Variants in DDX60 observed in about 807,000 individuals in gnomAD.
The protein encoded by DDX60 is DExD/H-box helicase 60.
A neutral mutation model predicts 212.8 loss-of-function variants in DDX60; 165 were observed. That is an observed-to-expected ratio of 0.78 (90% CI 0.68 to 0.88). The LOEUF (loss-of-function observed/expected upper bound fraction) is 0.88. DDX60 is among the 40% of genes least tolerant of loss of function. DDX60 has a pLI of 0.00. For synonymous variants in DDX60, 703 were observed against 685.3 expected (o/e 1.03, Z -0.40); for missense variants, 1,905 against 2,003.9 (o/e 0.95, Z 0.94).
At chr4:168,286,435 TAGATAG>T (rs1735861394) in intron 10 of DDX60, among the ~76,000 whole-genome samples, 1 of 102,532 alleles carries the variant, frequency 9.8e-6, no homozygotes, top group African/African-American at 4.7e-5. Flanking sequence ...GATAGATAGA[TAGATAG>T]ATAGATAGAT....
At chr4:168,297,383 AG>A (rs1161510194) in intron 6 of DDX60, among the ~76,000 whole-genome samples, 6 of 41,836 alleles carry the variant, frequency 1.4e-4, no homozygotes, top group African/African-American at 1.4e-3. Context: ...AGAAAGAAAG[AG>A]AAAGAAAGAA....
intron 6 of DDX60, among the ~76,000 whole-genome samples, chr4:168,297,297 C>CAAA (rs1491399857): frequency 3.0e-4 from 20 of 67,474 alleles, no homozygotes; most frequent in African/African-American, 1.1e-3. Flanking sequence ...GAGAGAGAGA[C>CAAA]GAAAGAAAGA....
rs1181490000 is a variant in DDX60 at position 168,252,395 on chromosome 4, TGTATTAATTA to T, written c.3705+104_3705+113del. Reference sequence around the variant, plus strand: ...AGGAGAGTTCTCTTTTGGTAGGGATTGTATTAATTATGTATTATATTATGCATATATCTTA... The same window carrying T: ...AGGAGAGTTCTCTTTTGGTAGGGATTTGTATTATATTATGCATATATCTTA... On this transcript the variant is annotated intron_variant, in intron 27 of 37. Transcript: ENST00000393743. 7 of 1,258,308 alleles carry T rather than the reference TGTATTAATTA, an allele frequency of 5.6e-6. No homozygotes were observed. The African/African-American group carries it at 9.2e-5, about 17-fold the overall frequency. 77.9% of individuals were successfully genotyped at this position (1,258,308 alleles called of 1,614,324 possible). A position where few individuals can be genotyped will look rare whatever the true frequency, so the allele number is the denominator to read the frequency against.
At chr4:168,316,416 A>C (rs910128217) in intron 1 of DDX60, among the ~76,000 whole-genome samples, 3 of 152,224 alleles carry the variant, frequency 2.0e-5, no homozygotes, top group African/African-American at 7.2e-5. Flanking sequence ...AATATAATTA[A>C]CCAACTTGGC....
chr4:168,226,331 G>A (rs371217552), intron 33 of DDX60, among the ~76,000 whole-genome samples: 5 of 151,806 alleles, frequency 3.3e-5, no homozygotes, highest in Admixed American at 1.3e-4. Context: ...GGATTAGGAC[G>A]CAGGGCCTTT....
chr4:168,246,223 G>C (rs1734016479), intron 30 of DDX60, among the ~76,000 whole-genome samples, 195 bp downstream of exon 30: 1 of 152,088 alleles, frequency 6.6e-6, no homozygotes, highest in African/African-American at 2.4e-5. Context: ...CAAATTCCAT[G>C]TCTGATGGTG....
In DDX60 at chr4:168,274,051, C is replaced by T; in HGVS notation, c.2337G>A (p.Glu779=). 2 of 1,614,194 alleles carry T rather than the reference C, an allele frequency of 1.2e-6. No individual in the cohort carries two copies. The highest frequency in any genetic ancestry group is 1.7e-6 in the Non-Finnish European group (2 of 1,180,018). ...ACGTTGGGGCAACAATCACTGCTGACTCATTCTTATCCACAACATCAAGGA... is the reference window on the plus strand; with the variant it reads ...ACGTTGGGGCAACAATCACTGCTGATTCATTCTTATCCACAACATCAAGGA... ...RELLDVVDKN[E]SAVIVAPTSS... is the part of the protein sequence containing the mutation. The change falls in exon 17 of 38, where the codon GAG becomes GAA. Residue 779 remains glutamate, a synonymous_variant. Coordinates refer to ENST00000393743, the MANE Select transcript of DDX60 (RefSeq NM_017631.6).
intron 29 of DDX60, among the ~76,000 whole-genome samples, chr4:168,246,886 T>C (rs746575709): frequency 2.0e-5 from 3 of 152,254 alleles, no homozygotes; most frequent in Middle Eastern, 3.4e-3. Flanking sequence ...ATCAAAGAAA[T>C]AATGATCTAT....
intron 33 of DDX60, among the ~76,000 whole-genome samples, chr4:168,228,048 T>A (rs1733320564): frequency 6.6e-6 from 1 of 152,108 alleles, no homozygotes; most frequent in South Asian, 2.1e-4. Context: ...TGTGCAAACA[T>A]CACAAAGTGT....
upstream of DDX60, among the ~76,000 whole-genome samples, chr4:168,321,898 GAATAGGTTC>G (rs936927161): frequency 7.9e-5 from 12 of 152,124 alleles, no homozygotes; most frequent in African/African-American, 2.7e-4. Flanking sequence ...CTATTGAATT[GAATAGGTTC>G]AATAGGTTCA....
intron 22 of DDX60, among the ~76,000 whole-genome samples, chr4:168,265,984 A>C (rs570703886): frequency 6.6e-6 from 1 of 152,290 alleles, no homozygotes; most frequent in South Asian, 2.1e-4. Context: ...GAGTTAAGTC[A>C]CAAGAATTTT....
At position 168,312,027 on chromosome 4, in the gene DDX60, T is replaced by C. The variant is rs778958925; in HGVS notation, c.-106-662A>G. ...GAGTAATGATGATAATTTGATGTAA[T>C]ATAGTTTGATGGTAGCTGAGATAAT... On this transcript the variant is annotated intron_variant, in intron 1 of 37. Transcript: ENST00000393743. Among the ~76,000 whole-genome samples, 41 of 152,078 alleles carry C rather than the reference T, an allele frequency of 2.7e-4. 1 individual carries two copies. The highest frequency in any genetic ancestry group is 8.5e-4 in the Admixed American group (13 of 15,268).
At chr4:168,290,981 T>C (rs1315019254) in intron 8 of DDX60, among the ~76,000 whole-genome samples, 1 of 152,206 alleles carries the variant, frequency 6.6e-6, no homozygotes, top group East Asian at 1.9e-4. Context: ...ATTGATCCTT[T>C]AATCCCATTT....
intron 6 of DDX60, among the ~76,000 whole-genome samples, chr4:168,294,953 A>G (rs1336884210): frequency 1.3e-5 from 2 of 152,204 alleles, no homozygotes; most frequent in Admixed American, 1.3e-4. Flanking sequence ...CCAACGGCCA[A>G]TAGGTACATG....
At chr4:168,262,252 T>C (rs1734653297) in intron 23 of DDX60, 124 bp from the exon 24 acceptor site, 1 of 1,030,194 alleles carries the variant, frequency 9.7e-7, no homozygotes. Context: ...AAACTTTTTA[T>C]CTCCACATGG....
At position 168,311,041 on chromosome 4, in the gene DDX60, G is replaced by C. The variant is rs2149553995; in HGVS notation, c.31C>G (p.Gln11Glu). The C allele has an allele frequency of 6.3e-7, 1 of 1,580,412 alleles. No homozygotes were observed. The highest frequency in any genetic ancestry group is 1.1e-5 in the South Asian group (1 of 88,852). ...TTCAAAATTAACTGGGACATTTCCT[G>C]TGAAAATGTTGTAAGAACATTTCTT... MERNVLTTFSQEMSQLILNEM... is the reference protein window; with the variant it reads MERNVLTTFSEEMSQLILNEM... The change falls in exon 3 of 38, where the codon CAG (glutamine) becomes GAG (glutamate). Residue 11 changes from glutamine (Q) to glutamate (E), a missense_variant. Physicochemically the swap from Gln to Glu is conservative, Grantham distance 29. Transcript: ENST00000393743.
intron 12 of DDX60, among the ~76,000 whole-genome samples, chr4:168,284,271 G>A (rs1436156613): frequency 1.3e-5 from 2 of 152,142 alleles, no homozygotes; most frequent in African/African-American, 2.4e-5. Context: ...TACTTGCTAT[G>A]CCTACTCCTA....
At chr4:168,270,045 T>C (rs1268917011) in intron 19 of DDX60, among the ~76,000 whole-genome samples, 1 of 152,192 alleles carries the variant, frequency 6.6e-6, no homozygotes, top group Non-Finnish European at 1.5e-5. Flanking sequence ...GCTGGCATCA[T>C]CATTTGTGAG....
At position 168,227,815 on chromosome 4, in the gene DDX60, C is replaced by G. The variant is rs111805298; in HGVS notation, c.4534-2139G>C. ...AATGTCCATTTTATGTCTTTTTTAT[C>G]CTTTGTGTATTTATAAATTAATTTT... On this transcript the variant is annotated intron_variant, in intron 33 of 37. Coordinates refer to ENST00000393743, the MANE Select transcript of DDX60 (RefSeq NM_017631.6). Among the ~76,000 whole-genome samples the G allele has an allele frequency of 6.8e-3, 1,028 of 151,600 alleles. 11 individuals are homozygous for G. The highest frequency in any genetic ancestry group is 0.024 in the African/African-American group (973 of 41,378).
Sources: gnomAD v4.1 joint callset for allele counts (sites outside exome capture counted in the v4.1 genomes callset) on GRCh38, gnomAD v4.1.1 for gene constraint, MANE v1.5 for transcripts, NCBI Gene and HGNC (gene_info 2026-07-23, HGNC 2026-07-21) for gene names.